F12: variants seen among roughly 807,000 people sequenced by gnomAD.
F12 encodes coagulation factor XII.
F12 carries 70 observed loss-of-function variants against 74.8 expected under a neutral mutation model. That is an observed-to-expected ratio of 0.94 (90% CI 0.77 to 1.14). The LOEUF (loss-of-function observed/expected upper bound fraction) is 1.14, where lower values mean the gene tolerates loss of function less well. F12 is among the 50% of genes most tolerant of loss of function. The pLI is 0.00. For missense variants in F12, 811 were observed against 835.7 expected, an observed-to-expected ratio of 0.97 and a Z score of 0.36; for synonymous variants, 373 against 356.4, an observed-to-expected ratio of 1.05 and a Z score of -0.52.
chr5:177,403,580 C>A lies in F12; in HGVS notation c.1288G>T (p.Glu430Ter), dbSNP rs1307678137. 1 of 1,605,326 alleles carries A rather than the reference C, an allele frequency of 6.2e-7. No homozygotes were observed. Among genetic ancestry groups the A allele is most frequent in the African/African-American group, 1.3e-5 (1 of 74,796 alleles). The change falls in exon 11 of 14, where the codon GAA becomes TAA. Residue 430 changes from glutamate to a stop codon, truncating the protein, a stop_gained. Coordinates refer to ENST00000253496, the MANE Select transcript of F12 (RefSeq NM_000505.4). LOFTEE classifies it high-confidence loss of function. ...GGCTCACAGCTGTGGTTACGGCGTTCCTGGCCGAGCACCACCGTCAGATCC... is the reference window on the plus strand; with the variant it reads ...GGCTCACAGCTGTGGTTACGGCGTTACTGGCCGAGCACCACCGTCAGATCC... ...PEDLTVVLGQ[E>*]RRNHSCEPCQ...
In F12 at chr5:177,405,415, C is replaced by T. The variant is rs1561641936; in HGVS notation, c.305G>A (p.Ser102Asn). Residue 102 changes from serine (S) to asparagine (N), a missense_variant, in exon 5 of 14, where the codon AGC becomes AAC. Physicochemically the swap from Ser to Asn is conservative, Grantham distance 46. Transcript: ENST00000253496. ...KKVKDHCSKH[S>N]PCQKGGTCVN... The stretch of plus-strand genomic sequence containing the variant: ...ACAGGTCCCTCCTTTCTGGCAGGGG[C>T]TGTGTTTGCTGCAGTGGTCTGAGAG... 3 of 1,613,660 alleles carry T rather than the reference C, an allele frequency of 1.9e-6. No individual in the cohort carries two copies. Among genetic ancestry groups the T allele is most frequent in the Non-Finnish European group, 2.5e-6 (3 of 1,179,856 alleles).
chr5:177,402,572 T>A lies in F12; in HGVS notation c.1658A>T (p.Glu553Val). The stretch of plus-strand genomic sequence containing the variant: ...CACCTGGCACGCATCGGTGCCGCCC[T>A]CGAGGAACCCTGCGCAGAGCATGCC... ...LPGMLCAGFLEGGTDACQGDS... is the reference protein window; with the variant it reads ...LPGMLCAGFLVGGTDACQGDS... Residue 553 changes from glutamate (E) to valine (V), a missense_variant, in exon 13 of 14, where the codon GAG (glutamate) becomes GTG (valine). Glu to Val is a moderately radical substitution (Grantham distance 121, BLOSUM62 -2). Transcript: ENST00000253496. 1 of 1,612,590 alleles carries A rather than the reference T, an allele frequency of 6.2e-7. No individual in the cohort carries two copies. Among genetic ancestry groups the A allele is most frequent in the Admixed American group, 1.7e-5 (1 of 59,970 alleles).
chr5:177,409,460 A>T lies in F12; in HGVS notation c.57+11T>A, dbSNP rs368443483. ...CAATCCTGGGACAATCCTGGTTCCC[A>T]CAGCACTCACCGAAAGTGTTGACTC... On this transcript the variant is annotated intron_variant, in intron 1 of 13. Coordinates refer to ENST00000253496, the MANE Select transcript of F12 (RefSeq NM_000505.4). The T allele has an allele frequency of 5.6e-6, 9 of 1,613,740 alleles. No homozygotes were observed. The African/African-American group carries it at 1.1e-4, about 19-fold the overall frequency.
intron 2 of F12, among the ~76,000 whole-genome samples, chr5:177,406,828 A>T (rs1025075862): frequency 1.3e-5 from 2 of 152,248 alleles, no homozygotes; most frequent in Admixed American, 6.5e-5. Flanking sequence ...ATTTGTGGGC[A>T]TGCACAGAGC....
At position 177,407,071 on chromosome 5, in the gene F12, A is replaced by G. The variant is rs569904087; in HGVS notation, c.116-1010T>C. Reference sequence around the variant, plus strand: ...CTACCTTAGGGAGAAAGCGTGTGTTAGACACTTGATTCAGGTGTGTGCTAT... The same window carrying G: ...CTACCTTAGGGAGAAAGCGTGTGTTGGACACTTGATTCAGGTGTGTGCTAT... On this transcript the variant is annotated intron_variant, in intron 2 of 13. Transcript: ENST00000253496. Among the ~76,000 whole-genome samples, 5 of 152,342 alleles carry G rather than the reference A, an allele frequency of 3.3e-5. No homozygotes were observed. In the East Asian group the frequency reaches 5.8e-4, roughly 18 times the overall value.
intron 2 of F12, among the ~76,000 whole-genome samples, chr5:177,407,372 G>A (rs1763317101): frequency 6.6e-6 from 1 of 152,200 alleles, no homozygotes; most frequent in African/African-American, 2.4e-5. Context: ...GCAGTGTCTG[G>A]CACAAAGTAC....
intron 2 of F12, among the ~76,000 whole-genome samples, chr5:177,407,917 G>A (rs954542775): frequency 6.6e-6 from 1 of 152,088 alleles, no homozygotes; most frequent in Non-Finnish European, 1.5e-5. Context: ...GTGGGGTGAA[G>A]AGAGGAGGCT....
At chr5:177,403,706 G>T (rs758691752) in intron 10 of F12, 89 bp from the exon 11 acceptor site, 63 of 1,541,944 alleles carry the variant, frequency 4.1e-5, no homozygotes, top group Non-Finnish European at 5.3e-5. Context: ...CCAATCCCGT[G>T]TTCCAGCTTC....
In F12 at chr5:177,409,047, G is replaced by A. The variant is rs765997905; in HGVS notation, c.114C>T (p.Val38=). 6.4e-6 allele frequency: 10 copies of A among 1,551,272 alleles called. No homozygotes were observed. Among genetic ancestry groups the A allele is most frequent in the African/African-American group, 1.4e-5 (1 of 73,138 alleles). ...EHKYKAEEHT[V]VLTVTGEPCH... Reference sequence around the variant, plus strand: ...GGGAGGAGGAGCCAGGCCACTTACCGACTGTGTGCTCTTCAGCTTTGTACT... The same window carrying A: ...GGGAGGAGGAGCCAGGCCACTTACCAACTGTGTGCTCTTCAGCTTTGTACT... The change falls in exon 2 of 14, where the codon GTC becomes GTT. Residue 38 remains valine, a splice_region_variant and synonymous_variant. Coordinates refer to ENST00000253496, the MANE Select transcript of F12 (RefSeq NM_000505.4).
rs1169442814 is a variant in F12, at chr5:177,404,003, G to C, written c.1106C>G (p.Ser369Trp). 1 of 1,602,806 alleles carries C rather than the reference G, an allele frequency of 6.2e-7. No individual in the cohort carries two copies. The highest frequency in any genetic ancestry group is 1.7e-5 in the Admixed American group (1 of 59,984). The change falls in exon 10 of 14, where the codon TCG becomes TGG. Residue 369 changes from serine to tryptophan, a missense_variant. By Grantham distance (177) the Ser-to-Trp change is radical (BLOSUM62 -3). Coordinates refer to ENST00000253496, the MANE Select transcript of F12 (RefSeq NM_000505.4). ...CAGCCCGCCAACGACGCGGGTCATC[G>C]AAGACAGACTCTTGCGGAGCCGCTG... ...CGQRLRKSLSSMTRVVGGLVA... is the reference protein window; with the variant it reads ...CGQRLRKSLSWMTRVVGGLVA...
In F12 at chr5:177,409,531, A is replaced by G. The variant is rs1801020; in HGVS notation, c.-4T>C. 0.71 allele frequency: 1,142,660 copies of G among 1,613,300 alleles called. 413,279 individuals carry two copies. The highest frequency in any genetic ancestry group is 0.81 in the Middle Eastern group (4,912 of 6,062). ...CCAGGAGCAGCAGAGCCCTCATGGC[A>G]TCCGTCCGTTGGTCCAGCTGCCTAT... On this transcript the variant is annotated 5_prime_UTR_variant, in exon 1 of 14. It removes an upstream start codon present in the reference 5' UTR. Transcript: ENST00000253496.
At chr5:177,409,137 A>C in intron 1 of F12, 34 bp from the exon 2 acceptor site, 1 of 1,546,140 alleles carries the variant, frequency 6.5e-7, no homozygotes, top group Non-Finnish European at 8.8e-7. Flanking sequence ...GGAACTGACT[A>C]TAAGTCATAG....
At position 177,402,294 on chromosome 5, in the gene F12, A is replaced by G. The variant is rs766416893; in HGVS notation, c.1846T>C (p.Ter616ArgextTer11). Residue 616 changes from the stop codon to arginine (R), a stop_lost, in exon 14 of 14, where the codon TGA (stop) becomes CGA (arginine). Coordinates refer to ENST00000253496, the MANE Select transcript of F12 (RefSeq NM_000505.4). ...GGGAAAGATGAGTCCCTGAGCAATCAGGAAACGGTGTGCTCCCGGATCCAG... is the reference window on the plus strand; with the variant it reads ...GGGAAAGATGAGTCCCTGAGCAATCGGGAAACGGTGTGCTCCCGGATCCAG... ...LAWIREHTVS[*>R] The G allele has an allele frequency of 1.8e-5, 29 of 1,613,690 alleles. No homozygotes were observed. Among genetic ancestry groups the G allele is most frequent in the Non-Finnish European group, 2.5e-5 (29 of 1,179,958 alleles).
chr5:177,404,647 A>G lies in F12; in HGVS notation c.652T>C (p.Tyr218His). 1 of 1,606,624 alleles carries G rather than the reference A, an allele frequency of 6.2e-7. No individual in the cohort carries two copies. The highest frequency in any genetic ancestry group is 8.5e-7 in the Non-Finnish European group (1 of 1,179,800). Residue 218 changes from tyrosine to histidine, a missense_variant, in exon 8 of 14, where the codon TAT becomes CAT. Tyr to His is a moderately conservative substitution (Grantham distance 83). Coordinates refer to ENST00000253496, the MANE Select transcript of F12 (RefSeq NM_000505.4). ...FCDVDTKASC[Y>H]DGRGLSYRGL... ...CGGTAGCTGAGCCCGCGGCCATCAT[A>G]GCAGCTTGCCTTGGTGTCTGAGGAG...
At chr5:177,408,975 T>C in intron 2 of F12, 71 bp downstream of exon 2, 1 of 1,462,222 alleles carries the variant, frequency 6.8e-7, no homozygotes, top group Non-Finnish European at 9.4e-7. Flanking sequence ...TAGACTGCCC[T>C]GAGACTGCAC....
intron 6 of F12, 30 bp from the exon 7 acceptor site, chr5:177,404,944 T>G: frequency 1.3e-6 from 2 of 1,587,150 alleles, no homozygotes; most frequent in South Asian, 2.2e-5. Flanking sequence ...GAGCCACCCC[T>G]GGGCCTAAAG....
rs1445437710 is a variant in F12 at position 177,405,124 on chromosome 5, A to G, written c.459T>C (p.Thr153=). The change falls in exon 6 of 14, where the codon ACT becomes ACC. Residue 153 remains threonine (T), a synonymous_variant. Transcript: ENST00000253496. Reference sequence around the variant, plus strand: ...GGCATCTGGCCACAGCTGCTTGCTCAGTTCTATACCATATCTCATTCTTGT... The same window carrying G: ...GGCATCTGGCCACAGCTGCTTGCTCGGTTCTATACCATATCTCATTCTTGT... ...FFHKNEIWYR[T]EQAAVARCQC... 3 of 1,613,876 alleles carry G rather than the reference A, an allele frequency of 1.9e-6. No individual in the cohort carries two copies. Among genetic ancestry groups the G allele is most frequent in the Non-Finnish European group, 1.7e-6 (2 of 1,180,022 alleles).
At chr5:177,405,639 G>T in intron 4 of F12, 96 bp downstream of exon 4, 1 of 1,345,132 alleles carries the variant, frequency 7.4e-7, no homozygotes, top group Non-Finnish European at 1.1e-6. Flanking sequence ...AAGGGGCTGG[G>T]TCCAGAATCC....
chr5:177,408,832 A>G (rs1763345207), intron 2 of F12, among the ~76,000 whole-genome samples: 1 of 152,226 alleles, frequency 6.6e-6, no homozygotes, highest in African/African-American at 2.4e-5. Context: ...AGCAGCACAT[A>G]TCTCAAGCAC....
Sources: allele counts gnomAD v4.1 joint callset (sites outside exome capture counted in the v4.1 genomes callset), GRCh38; gene constraint gnomAD v4.1.1; transcripts MANE v1.5; gene names NCBI Gene and HGNC (gene_info 2026-07-23, HGNC 2026-07-21).